The following EMSY variants were observed in gnomAD, a reference collection of about 807,000 sequenced individuals.
EMSY encodes EMSY transcriptional repressor, BRCA2 interacting.
In EMSY, 26 loss-of-function variants were observed where a neutral mutation model predicts 134.6. That is an observed-to-expected ratio of 0.19 (90% CI 0.14 to 0.27). The LOEUF (loss-of-function observed/expected upper bound fraction) is 0.27. Ranked by LOEUF, EMSY falls within the 10% of genes least tolerant of loss-of-function variation. The pLI is 1.00. For missense variants in EMSY, 1,305 were observed against 1,611.4 expected, an observed-to-expected ratio of 0.81 and a Z score of 3.26; for synonymous variants, 579 against 577.8, an observed-to-expected ratio of 1.00 and a Z score of -0.03.
chr11:76,468,107 G>A (rs2135269651), intron 7 of EMSY, among the ~76,000 whole-genome samples: 1 of 152,044 alleles, frequency 6.6e-6, no homozygotes, highest in East Asian at 1.9e-4. Flanking sequence ...TAGTAGATGA[G>A]GACTCAGTGA....
At chr11:76,547,677 A>G (rs561977399) in intron 20 of EMSY, among the ~76,000 whole-genome samples, 3 of 152,330 alleles carry the variant, frequency 2.0e-5, no homozygotes, top group East Asian at 3.9e-4. Context: ...ACAGATGGTA[A>G]TTATTACTGT....
chr11:76,452,847 TC>T (rs1301496758), intron 3 of EMSY, among the ~76,000 whole-genome samples: 1 of 152,176 alleles, frequency 6.6e-6, no homozygotes, highest in Admixed American at 6.5e-5. Flanking sequence ...ATCTTGCCAC[TC>T]CATTTGTTTA....
intron 8 of EMSY, among the ~76,000 whole-genome samples, chr11:76,484,062 G>A (rs1260733855): frequency 6.6e-6 from 1 of 152,146 alleles, no homozygotes; most frequent in Admixed American, 6.5e-5. Flanking sequence ...TCAGACCACG[G>A]GGCAATCAAA....
intron 8 of EMSY, among the ~76,000 whole-genome samples, chr11:76,477,414 A>T (rs1280624512): frequency 6.6e-6 from 1 of 151,840 alleles, no homozygotes; most frequent in Non-Finnish European, 1.5e-5. Context: ...AAGTCTGTTT[A>T]TCTATGACTC....
intron 12 of EMSY, among the ~76,000 whole-genome samples, chr11:76,525,530 GTT>G (rs1253574371): frequency 6.6e-6 from 1 of 152,102 alleles, no homozygotes; most frequent in Non-Finnish European, 1.5e-5. Flanking sequence ...TCCATCTTAA[GTT>G]TATGGATTTT....
intron 17 of EMSY, among the ~76,000 whole-genome samples, chr11:76,540,221 G>C (rs959490714): frequency 6.6e-6 from 1 of 152,172 alleles, no homozygotes; most frequent in East Asian, 1.9e-4. Context: ...CATATAATTT[G>C]ATAATTTCAT....
intron 4 of EMSY, 65 bp from the exon 6 acceptor site, chr11:76,458,118 C>A: frequency 7.0e-7 from 1 of 1,437,494 alleles, no homozygotes; most frequent in Non-Finnish European, 9.4e-7. Context: ...TATGTTTGAG[C>A]ATATATGTTT....
At chr11:76,542,089 C>T in intron 17 of EMSY, 127 bp from the exon 19 acceptor site, 1 of 1,198,294 alleles carries the variant, frequency 8.3e-7, no homozygotes, top group Non-Finnish European at 1.2e-6. Context: ...TGGTCTTCTG[C>T]CTCCTAGTTC....
intron 8 of EMSY, among the ~76,000 whole-genome samples, chr11:76,490,735 T>G (rs868104331): frequency 2.0e-5 from 3 of 152,210 alleles, no homozygotes; most frequent in Non-Finnish European, 2.9e-5. Context: ...CAGGTTCATC[T>G]TATACTTTTC....
Sources: gnomAD v4.1 joint callset for allele counts (sites outside exome capture counted in the v4.1 genomes callset) on GRCh38, gnomAD v4.1.1 for gene constraint, MANE v1.5 for transcripts, NCBI Gene and HGNC (gene_info 2026-07-23, HGNC 2026-07-21) for gene names.